Variants in CNGB3 observed in about 807,000 individuals in gnomAD.
CNGB3 encodes cyclic nucleotide gated channel subunit beta 3.
In CNGB3, 86 loss-of-function variants were observed where a neutral mutation model predicts 92.8. That is an observed-to-expected ratio of 0.93 (90% CI 0.78 to 1.11). The LOEUF is 1.11. CNGB3 is among the 50% of genes least tolerant of loss of function. The probability of loss-of-function intolerance (pLI) is 0.00; values close to 1 mark genes in which losing one functional copy is unlikely to be tolerated. For synonymous variants in CNGB3, 333 were observed against 332.7 expected, an observed-to-expected ratio of 1.00 and a Z score of -0.01; for missense variants, 1,026 against 956.8, an observed-to-expected ratio of 1.07 and a Z score of -0.95.
intron 15 of CNGB3, among the ~76,000 whole-genome samples, chr8:86,592,065 G>T (rs146519635): frequency 6.6e-6 from 1 of 152,200 alleles, no homozygotes; most frequent in Non-Finnish European, 1.5e-5. Context: ...TAAGCCCGTC[G>T]GAAAAGCGCA....
At chr8:86,645,910 G>C (rs933005277) in intron 8 of CNGB3, among the ~76,000 whole-genome samples, 1 of 150,962 alleles carries the variant, frequency 6.6e-6, no homozygotes, top group Middle Eastern at 3.4e-3. Context: ...TTTATCCTAG[G>C]GAATTGTGCA....
intron 13 of CNGB3, 125 bp from the exon 14 acceptor site, chr8:86,611,796 C>A: frequency 1.3e-6 from 1 of 743,638 alleles, no homozygotes; most frequent in South Asian, 1.7e-5. Flanking sequence ...TATTAACTGC[C>A]AATGGCTATG....
chr8:86,638,386 T>C (rs1823114803), intron 10 of CNGB3, among the ~76,000 whole-genome samples: 1 of 152,152 alleles, frequency 6.6e-6, no homozygotes, highest in South Asian at 2.1e-4. Context: ...CACCTGGCAT[T>C]GTCATTATCC....
At chr8:86,737,416 A>T (rs1825267096) in intron 2 of CNGB3, among the ~76,000 whole-genome samples, 1 of 152,254 alleles carries the variant, frequency 6.6e-6, no homozygotes. Context: ...TATTTTCTTC[A>T]TATAGGTTCT....
At chr8:86,702,921 C>A (rs190676120) in intron 3 of CNGB3, among the ~76,000 whole-genome samples, 422 of 151,894 alleles carry the variant, frequency 2.8e-3, no homozygotes, top group African/African-American at 9.8e-3. Context: ...TTGCCTTTGT[C>A]ATTTCTTCCA....
intron 4 of CNGB3, among the ~76,000 whole-genome samples, chr8:86,668,702 A>T (rs1397602530): frequency 6.6e-6 from 1 of 152,052 alleles, no homozygotes; most frequent in African/African-American, 2.4e-5. Context: ...ACAAAAAAAA[A>T]AAAAGAACAG....
intron 3 of CNGB3, among the ~76,000 whole-genome samples, chr8:86,723,072 TG>T (rs1418662130): frequency 6.6e-6 from 1 of 152,150 alleles, no homozygotes; most frequent in Non-Finnish European, 1.5e-5. Context: ...CTATTCCTCT[TG>T]GTGTTCACTT....
At position 86,605,457 on chromosome 8, in the gene CNGB3, T is replaced by C. The variant is rs556000773; in HGVS notation, c.1663-1246A>G. 2.6e-5 allele frequency among the ~76,000 whole-genome samples: 4 copies of C among 151,380 alleles called. No homozygotes were observed. The East Asian group carries it at 7.7e-4, about 29-fold the overall frequency. On this transcript the variant is annotated intron_variant, in intron 14 of 17. Transcript: ENST00000320005. Reference sequence around the variant, plus strand: ...GCAGTGCCTTGATCACCTTGAGCTATAAAAAAAAATAGCATTAATACAATA... The same window carrying C: ...GCAGTGCCTTGATCACCTTGAGCTACAAAAAAAAATAGCATTAATACAATA...
At chr8:86,631,722 C>T (rs2131584649) in intron 11 of CNGB3, among the ~76,000 whole-genome samples, 1 of 152,260 alleles carries the variant, frequency 6.6e-6, no homozygotes, top group East Asian at 1.9e-4. Flanking sequence ...TGTTCATCTT[C>T]CTAAACCTAA....
intron 3 of CNGB3, among the ~76,000 whole-genome samples, chr8:86,704,581 G>A (rs932838345): frequency 6.6e-6 from 1 of 152,068 alleles, no homozygotes; most frequent in Non-Finnish European, 1.5e-5. Flanking sequence ...CAGGCTTTGG[G>A]AGCTACATCA....
At chr8:86,693,432 A>ATTATTTAT (rs1554615923) in intron 3 of CNGB3, among the ~76,000 whole-genome samples, 10 of 138,086 alleles carry the variant, frequency 7.2e-5, no homozygotes, top group South Asian at 2.3e-4. Flanking sequence ...TATTATTATT[A>ATTATTTAT]TTATTTATTT....
chr8:86,608,028 T>C (rs565707428), intron 14 of CNGB3, among the ~76,000 whole-genome samples: 2 of 152,284 alleles, frequency 1.3e-5, no homozygotes, highest in African/African-American at 4.8e-5. Flanking sequence ...GTTTCTACTC[T>C]CCTGTGGGCG....
intron 3 of CNGB3, among the ~76,000 whole-genome samples, chr8:86,696,327 G>A (rs1278569422): frequency 3.3e-5 from 5 of 152,134 alleles, no homozygotes; most frequent in African/African-American, 1.2e-4. Context: ...TAGTAGAAGG[G>A]GGATATAATC....
intron 15 of CNGB3, among the ~76,000 whole-genome samples, 179 bp downstream of exon 15, chr8:86,603,914 C>G (rs975365304): frequency 6.6e-6 from 1 of 152,212 alleles, no homozygotes. Flanking sequence ...TGACCCAGTT[C>G]TTTTCCTTAG....
intron 3 of CNGB3, among the ~76,000 whole-genome samples, chr8:86,709,261 A>G (rs888384144): frequency 1.3e-5 from 2 of 152,214 alleles, no homozygotes; most frequent in East Asian, 1.9e-4. Context: ...CCACACAGAC[A>G]CATGTTACAT....
chr8:86,597,809 G>A (rs892542926), intron 15 of CNGB3, among the ~76,000 whole-genome samples: 7 of 151,980 alleles, frequency 4.6e-5, no homozygotes, highest in East Asian at 1.9e-4. Context: ...GTGAAACCCC[G>A]TCTCTACAAA....
At chr8:86,726,158 T>C (rs899122915) in intron 3 of CNGB3, among the ~76,000 whole-genome samples, 2 of 152,202 alleles carry the variant, frequency 1.3e-5, no homozygotes, top group African/African-American at 4.8e-5. Flanking sequence ...ATTCACAGAA[T>C]TGGAATAGCT....
At chr8:86,591,838 C>A (rs1335831815) in intron 15 of CNGB3, among the ~76,000 whole-genome samples, 1 of 152,182 alleles carries the variant, frequency 6.6e-6, no homozygotes, top group Middle Eastern at 3.2e-3. Context: ...CAGAGGCAGG[C>A]AGGCCTCCTT....
intron 10 of CNGB3, among the ~76,000 whole-genome samples, chr8:86,635,260 A>C (rs1012980580): frequency 2.6e-5 from 4 of 152,044 alleles, no homozygotes; most frequent in Non-Finnish European, 5.9e-5. Context: ...GGTCTCTTTA[A>C]ATTAAGGAAA....
Sources: gnomAD v4.1 joint callset for allele counts (sites outside exome capture counted in the v4.1 genomes callset) on GRCh38, gnomAD v4.1.1 for gene constraint, MANE v1.5 for transcripts, NCBI Gene and HGNC (gene_info 2026-07-23, HGNC 2026-07-21) for gene names.